NFATC3: variants seen among roughly 807,000 people sequenced by gnomAD.
The protein encoded by NFATC3 is nuclear factor of activated T cells 3, also known as nuclear factor of activated T-cells, cytoplasmic 3.
NFATC3 carries 46 observed loss-of-function variants against 98.6 expected under a neutral mutation model. The observed-to-expected ratio is 0.47, with a 90% CI of 0.37 to 0.60. The LOEUF (loss-of-function observed/expected upper bound fraction) is 0.60. Among genes scored for constraint, NFATC3 ranks in the 20% least tolerant of loss-of-function variants. The probability of loss-of-function intolerance (pLI) is 0.00; values close to 1 mark genes in which losing one functional copy is unlikely to be tolerated. For missense variants in NFATC3, 1,256 were observed against 1,295.5 expected (o/e 0.97, Z 0.47); for synonymous variants, 512 against 472.2 (o/e 1.08, Z -1.09).
chr16:68,152,914 C>T (rs527282535), intron 3 of NFATC3, among the ~76,000 whole-genome samples: 13 of 152,204 alleles, frequency 8.5e-5, no homozygotes, highest in East Asian at 3.9e-4. Context: ...TTCACACTAC[C>T]GCTCAGGGCA....
At chr16:68,218,906 G>C (rs990006677) in intron 9 of NFATC3, among the ~76,000 whole-genome samples, 1 of 151,738 alleles carries the variant, frequency 6.6e-6, no homozygotes, top group Non-Finnish European at 1.5e-5. Flanking sequence ...CATACATGTA[G>C]GCTTCATTTT....
At position 68,228,022 on chromosome 16, in the gene NFATC3, GA is replaced by G. The variant is rs1304280486; in HGVS notation, c.*1552del. 1 of 152,134 alleles carries G rather than the reference GA, an allele frequency of 6.6e-6. No homozygotes were observed. The highest frequency in any genetic ancestry group is 1.5e-5 in the Non-Finnish European group (1 of 68,050). The allele number at this position is 152,134 out of a possible 1,614,324, so 9.4% of individuals were successfully genotyped here. A position where few individuals can be genotyped will look rare whatever the true frequency, so the allele number is the denominator to read the frequency against. ...GGAGACTGCAGGCCCTTGATGCCAGGACTCTCTCTACTAAGGCCAGTTCAGG... is the reference window on the plus strand; with the variant it reads ...GGAGACTGCAGGCCCTTGATGCCAGGCTCTCTCTACTAAGGCCAGTTCAGG... On this transcript the variant is annotated 3_prime_UTR_variant, in exon 10 of 10. Transcript: ENST00000346183.
intron 1 of NFATC3, among the ~76,000 whole-genome samples, chr16:68,094,301 G>A (rs1401923949): frequency 2.6e-5 from 4 of 151,986 alleles, no homozygotes; most frequent in East Asian, 1.9e-4. Flanking sequence ...AAAGTTTAAA[G>A]CGTTTAGATC....
intron 3 of NFATC3, among the ~76,000 whole-genome samples, chr16:68,150,612 G>A (rs745680855): frequency 2.6e-5 from 4 of 151,840 alleles, no homozygotes; most frequent in Non-Finnish European, 4.4e-5. Context: ...TTGACTACAC[G>A]TATAATTTTA....
At chr16:68,113,645 TC>T (rs2151486060) in intron 1 of NFATC3, among the ~76,000 whole-genome samples, 1 of 152,224 alleles carries the variant, frequency 6.6e-6, no homozygotes, top group African/African-American at 2.4e-5. Flanking sequence ...TGGGGAGAAT[TC>T]CCCTCATCTG....
chr16:68,144,277 A>C (rs570218650), intron 3 of NFATC3, among the ~76,000 whole-genome samples: 23 of 152,302 alleles, frequency 1.5e-4, no homozygotes, highest in African/African-American at 5.3e-4. Flanking sequence ...AAAAAATATA[A>C]TACTAACTGT....
chr16:68,103,283 C>T (rs2035470109), intron 1 of NFATC3, among the ~76,000 whole-genome samples: 1 of 151,812 alleles, frequency 6.6e-6, no homozygotes, highest in Admixed American at 6.6e-5. Context: ...TGGCTCATGG[C>T]AGGCAGCCTT....
chr16:68,208,644 C>T (rs757828612), intron 9 of NFATC3, among the ~76,000 whole-genome samples: 13 of 151,912 alleles, frequency 8.6e-5, no homozygotes, highest in Non-Finnish European at 2.9e-5. Flanking sequence ...GCAGGAGAAT[C>T]GCTTGAACCT....
intron 3 of NFATC3, among the ~76,000 whole-genome samples, chr16:68,128,095 A>G (rs2036933828): frequency 6.6e-6 from 1 of 152,136 alleles, no homozygotes; most frequent in Admixed American, 6.6e-5. Flanking sequence ...ATACTAAAAT[A>G]TAGAAATGGC....
chr16:68,165,006 T>G (rs2039119984), intron 4 of NFATC3, among the ~76,000 whole-genome samples: 1 of 152,218 alleles, frequency 6.6e-6, no homozygotes, highest in African/African-American at 2.4e-5. Context: ...GTTTTTTGCA[T>G]TTAAGAGTTT....
chr16:68,213,728 C>CT (rs2041517097), intron 9 of NFATC3, among the ~76,000 whole-genome samples: 1 of 152,098 alleles, frequency 6.6e-6, no homozygotes, highest in Non-Finnish European at 1.5e-5. Flanking sequence ...ACTAGGGAGG[C>CT]TGAGGCAGGA....
In NFATC3 at chr16:68,115,514, T is replaced by A. The variant is rs555678950; in HGVS notation, c.104-6473T>A. ...ATCTCGGCTTACTGCGACCTCCGCC[T>A]CCCGGGTTCAACTGATTCCCCTGCC... On this transcript the variant is annotated intron_variant, in intron 1 of 9. Coordinates refer to ENST00000346183, the MANE Select transcript of NFATC3 (RefSeq NM_173165.3). Among the ~76,000 whole-genome samples the A allele has an allele frequency of 2.3e-3, 354 of 152,036 alleles. 1 individual carries two copies. The highest frequency in any genetic ancestry group is 4.0e-3 in the Non-Finnish European group (274 of 67,962).
intron 1 of NFATC3, among the ~76,000 whole-genome samples, chr16:68,103,088 A>G (rs967803760): frequency 2.0e-5 from 3 of 151,806 alleles, no homozygotes; most frequent in Non-Finnish European, 4.4e-5. Context: ...TAAAAACTCT[A>G]TATATTCTGG....
intron 9 of NFATC3, chr16:68,192,210 G>GAA (rs71382033): frequency 3.0e-3 from 41 of 13,838 alleles, no homozygotes; most frequent in East Asian, 9.0e-3. Context: ...TCCGTCTCGG[G>GAA]AAAAAAAAAA....
chr16:68,093,712 A>G (rs2034854699), intron 1 of NFATC3, among the ~76,000 whole-genome samples: 1 of 152,214 alleles, frequency 6.6e-6, no homozygotes, highest in South Asian at 2.1e-4. Flanking sequence ...TTAGCGCATA[A>G]GGAAACAGAA....
chr16:68,202,687 C>G (rs947965817), intron 9 of NFATC3, among the ~76,000 whole-genome samples: 9 of 152,174 alleles, frequency 5.9e-5, no homozygotes, highest in African/African-American at 2.2e-4. Flanking sequence ...TGGTGGACAC[C>G]TATAATCCCA....
chr16:68,217,464 CAAAAAAAAAAAA>C (rs68079157), intron 9 of NFATC3, among the ~76,000 whole-genome samples: 3 of 44,962 alleles, frequency 6.7e-5, no homozygotes, highest in Non-Finnish European at 1.3e-4. Context: ...GTCTCTGTCT[CAAAAAAAAAAAA>C]AAAAAAAAAA....
At chr16:68,164,091 C>T (rs1333467300) in intron 4 of NFATC3, among the ~76,000 whole-genome samples, 1 of 152,190 alleles carries the variant, frequency 6.6e-6, no homozygotes, top group African/African-American at 2.4e-5. Context: ...GATCACGCCA[C>T]TGCACTCCAG....
chr16:68,138,060 A>T (rs2151534101), intron 3 of NFATC3, among the ~76,000 whole-genome samples: 1 of 152,034 alleles, frequency 6.6e-6, no homozygotes, highest in South Asian at 2.1e-4. Context: ...TTTGAGACAG[A>T]GTCTCGTGCT....
Sources: gnomAD v4.1 joint callset for allele counts (sites outside exome capture counted in the v4.1 genomes callset) on GRCh38, gnomAD v4.1.1 for gene constraint, MANE v1.5 for transcripts, NCBI Gene and HGNC (gene_info 2026-07-23, HGNC 2026-07-21) for gene names.